Variants in MEI1 observed in about 807,000 individuals in gnomAD.
MEI1 encodes the protein meiosis inhibitor protein 1.
Under a neutral mutation model 146.2 loss-of-function variants are expected in MEI1, and 103 were observed. The ratio of observed to expected loss-of-function variants is 0.70; its 90% confidence interval spans 0.60 to 0.83. The LOEUF is 0.83. Among genes scored for constraint, MEI1 ranks in the 40% least tolerant of loss-of-function variants. MEI1 has a pLI of 0.00. For synonymous variants in MEI1, 652 were observed against 628.2 expected (o/e 1.04, Z -0.57); for missense variants, 1,529 against 1,533.0 (o/e 1.00, Z 0.04).
At chr22:41,708,019 C>G (rs1354035417) in intron 3 of MEI1, among the ~76,000 whole-genome samples, 1 of 152,228 alleles carries the variant, frequency 6.6e-6, no homozygotes, top group Non-Finnish European at 1.5e-5. Context: ...GTTTACCTAA[C>G]AAGATGTAAC....
At chr22:41,755,322 C>G (rs2147889743) in intron 17 of MEI1, among the ~76,000 whole-genome samples, 1 of 152,114 alleles carries the variant, frequency 6.6e-6, no homozygotes, top group South Asian at 2.1e-4. Context: ...CTCTCCCCCA[C>G]TCTCTACACC....
rs1172637848 is a variant in MEI1 at position 41,718,154 on chromosome 22, C to T, written c.613C>T (p.Leu205=). 1.9e-6 allele frequency: 3 copies of T among 1,613,904 alleles called. No homozygotes were observed. Among genetic ancestry groups the T allele is most frequent in the Middle Eastern group, 1.7e-4 (1 of 6,006 alleles). ...QASVCYLYGK[L]YSSPVAAEML... is the part of the protein sequence containing the mutation. ...TTCTGTCTGTTACCTTTATGGGAAG[C>T]TATACTCCTCACCAGTGGCAGCTGA... is the stretch of plus-strand genomic sequence containing the variant. Residue 205 remains leucine, a synonymous_variant, in exon 6 of 31, where the codon CTA becomes TTA. Coordinates refer to ENST00000401548, the MANE Select transcript of MEI1 (RefSeq NM_152513.4).
intron 11 of MEI1, among the ~76,000 whole-genome samples, chr22:41,737,789 T>C (rs1323374570): frequency 6.6e-6 from 1 of 152,146 alleles, no homozygotes; most frequent in Non-Finnish European, 1.5e-5. Flanking sequence ...TTTTCACTGC[T>C]CTGTCTCTGG....
At chr22:41,723,444 A>T (rs771390751) in intron 6 of MEI1, among the ~76,000 whole-genome samples, 2 of 152,054 alleles carry the variant, frequency 1.3e-5, no homozygotes, top group Non-Finnish European at 2.9e-5. Context: ...TGAACTCCTG[A>T]CCTCAAGTGA....
intron 11 of MEI1, among the ~76,000 whole-genome samples, chr22:41,742,850 C>T (rs947942591): frequency 1.3e-5 from 2 of 152,082 alleles, no homozygotes; most frequent in South Asian, 2.1e-4. Context: ...CACCATGTTG[C>T]CCAGGCTGGT....
chr22:41,783,271 C>T (rs1032937983), intron 24 of MEI1, among the ~76,000 whole-genome samples: 6 of 152,098 alleles, frequency 3.9e-5, no homozygotes, highest in African/African-American at 1.4e-4. Flanking sequence ...CCCTCACCCC[C>T]GACACACATA....
intron 6 of MEI1, among the ~76,000 whole-genome samples, chr22:41,722,623 C>T (rs554091841): frequency 7.6e-4 from 115 of 152,084 alleles, no homozygotes; most frequent in African/African-American, 2.6e-3. Context: ...TCTCCAGGAA[C>T]ACACCATACT....
At chr22:41,759,656 T>TAA (rs1555970681) in intron 18 of MEI1, among the ~76,000 whole-genome samples, 1 of 131,750 alleles carries the variant, frequency 7.6e-6, no homozygotes, top group African/African-American at 2.8e-5. Flanking sequence ...AATAAATAAA[T>TAA]AAATAAAAAT....
chr22:41,752,071 G>GAAA (rs59389967), intron 15 of MEI1, among the ~76,000 whole-genome samples: 1 of 134,832 alleles, frequency 7.4e-6, no homozygotes, highest in Non-Finnish European at 1.6e-5. Flanking sequence ...TCCGTCTCAG[G>GAAA]AAAAAAAAAA....
intron 20 of MEI1, among the ~76,000 whole-genome samples, chr22:41,773,040 G>A (rs2075270439): frequency 6.6e-6 from 1 of 152,178 alleles, no homozygotes; most frequent in Non-Finnish European, 1.5e-5. Context: ...ATTAAAAGAA[G>A]CAAACCAAAC....
intron 6 of MEI1, among the ~76,000 whole-genome samples, chr22:41,719,493 T>A (rs1166746565): frequency 6.6e-6 from 1 of 152,244 alleles, no homozygotes; most frequent in African/African-American, 2.4e-5. Context: ...GGCCTGAACT[T>A]GTCCTTTTAT....
At chr22:41,746,912 T>C (rs2073337548) in intron 14 of MEI1, among the ~76,000 whole-genome samples, 2 of 152,138 alleles carry the variant, frequency 1.3e-5, no homozygotes, top group South Asian at 4.2e-4. Flanking sequence ...CGCAGTTTAC[T>C]CACCTGCCCT....
chr22:41,722,887 A>G (rs1053415915), intron 6 of MEI1, among the ~76,000 whole-genome samples: 2 of 152,170 alleles, frequency 1.3e-5, no homozygotes, highest in Admixed American at 6.5e-5. Context: ...GTGACTTACC[A>G]TGAATCCCAG....
At chr22:41,767,740 A>G in intron 19 of MEI1, 1 of 398,746 alleles carries the variant, frequency 2.5e-6, no homozygotes, top group Non-Finnish European at 5.2e-6. Context: ...GAAATGAATC[A>G]AACAAGTTCC....
At chr22:41,717,710 G>A (rs183448527) in intron 5 of MEI1, among the ~76,000 whole-genome samples, 1 of 151,542 alleles carries the variant, frequency 6.6e-6, no homozygotes, top group East Asian at 1.9e-4. Flanking sequence ...CTGCCTCGTG[G>A]GTTTCAGCGA....
chr22:41,781,435 G>T (rs775841721), intron 23 of MEI1, 41 bp downstream of exon 23: 1 of 1,478,134 alleles, frequency 6.8e-7, no homozygotes, highest in Non-Finnish European at 9.3e-7. Flanking sequence ...GTGCTGGGCA[G>T]TCTGTGGTCC....
At chr22:41,765,554 T>G (rs933973780) in intron 19 of MEI1, among the ~76,000 whole-genome samples, 2 of 152,194 alleles carry the variant, frequency 1.3e-5, no homozygotes, top group African/African-American at 4.8e-5. Context: ...TCTACTCAAT[T>G]TTATTTTGAT....
chr22:41,740,358 T>C (rs2072757108), intron 11 of MEI1, among the ~76,000 whole-genome samples: 1 of 152,124 alleles, frequency 6.6e-6, no homozygotes, highest in Non-Finnish European at 1.5e-5. Context: ...CCAGAATGTT[T>C]ACTGACGTGG....
At chr22:41,766,122 G>A (rs574481744) in intron 19 of MEI1, among the ~76,000 whole-genome samples, 9 of 151,468 alleles carry the variant, frequency 5.9e-5, no homozygotes, top group East Asian at 1.9e-4. Context: ...TGATCTGCCC[G>A]CCTCGGCCTC....
Sources: allele counts gnomAD v4.1 joint callset (sites outside exome capture counted in the v4.1 genomes callset), GRCh38; gene constraint gnomAD v4.1.1; transcripts MANE v1.5; gene names NCBI Gene and HGNC (gene_info 2026-07-23, HGNC 2026-07-21).